Variants in RPRD1A observed in about 807,000 individuals in gnomAD.
The protein encoded by RPRD1A is regulation of nuclear pre-mRNA domain containing 1A, also known as regulation of nuclear pre-mRNA domain-containing protein 1A.
RPRD1A carries 9 observed loss-of-function variants against 37.8 expected under a neutral mutation model. The ratio of observed to expected loss-of-function variants is 0.24; its 90% CI spans 0.14 to 0.42. The LOEUF is 0.42. RPRD1A is among the 10% of genes least tolerant of loss of function. RPRD1A has a pLI of 1.00. For synonymous variants in RPRD1A, 138 were observed against 139.7 expected (o/e 0.99, Z 0.08); for missense variants, 255 against 371.0 (o/e 0.69, Z 2.57).
At chr18:36,064,589 A>C (rs114025587) in intron 1 of RPRD1A, among the ~76,000 whole-genome samples, 18 of 152,308 alleles carry the variant, frequency 1.2e-4, no homozygotes, top group Admixed American at 3.9e-4. Context: ...TAAATGCAAC[A>C]ATCAGTGCTG....
In RPRD1A at chr18:36,057,252, A is replaced by G. The variant is rs563515261; in HGVS notation, c.151+10002T>C. Among the ~76,000 whole-genome samples the G allele has an allele frequency of 9.9e-5, 15 of 150,800 alleles. No individual in the cohort carries two copies. In the South Asian group the frequency reaches 2.9e-3, roughly 30 times the overall value. Reference sequence around the variant, plus strand: ...GAACAACAACAACAAACATATATATATATCACACACACACACACATACACA... The same window carrying G: ...GAACAACAACAACAAACATATATATGTATCACACACACACACACATACACA... On this transcript the variant is annotated intron_variant, in intron 1 of 6. Transcript: ENST00000399022.
In RPRD1A at chr18:36,061,742, A is replaced by C. The variant is rs979926559; in HGVS notation, c.151+5512T>G. On this transcript the variant is annotated intron_variant, in intron 1 of 6. Coordinates refer to ENST00000399022, the MANE Select transcript of RPRD1A (RefSeq NM_018170.5). The stretch of plus-strand genomic sequence containing the variant: ...ATGGAAGAAAATATTTGTGGTATGA[A>C]TCTAATACAATACTTGTACCTAGAA... Among the ~76,000 whole-genome samples the C allele has an allele frequency of 3.0e-4, 46 of 152,248 alleles. 1 individual carries two copies. The highest frequency in any genetic ancestry group is 1.1e-3 in the African/African-American group (45 of 41,462).
At chr18:36,048,817 T>A (rs934978853) in intron 1 of RPRD1A, among the ~76,000 whole-genome samples, 1 of 152,170 alleles carries the variant, frequency 6.6e-6, no homozygotes, top group East Asian at 1.9e-4. Flanking sequence ...ATAGAAAAAA[T>A]TATAAATGAA....
intron 4 of RPRD1A, chr18:36,027,939 C>A (rs939606541): frequency 3.9e-5 from 6 of 151,942 alleles, no homozygotes; most frequent in Non-Finnish European, 1.5e-5. Flanking sequence ...TATTGCTTAA[C>A]CAGTACTGAA....
Position 35,993,094 on chromosome 18 carries a change from C to A in RPRD1A, c.*57G>T. 6.6e-7 allele frequency: 1 copy of A among 1,508,994 alleles called. No homozygotes were observed. The highest frequency in any genetic ancestry group is 2.3e-5 in the East Asian group (1 of 43,602). 93.5% of individuals were successfully genotyped at this position (1,508,994 alleles called of 1,614,324 possible). A position where few individuals can be genotyped will look rare whatever the true frequency, so the allele number is the denominator to read the frequency against. ...ACAAAAATAACACTACAGGACTATC[C>A]ACCTAACCTGTCTCCATCTCTTGCA... On this transcript the variant is annotated 3_prime_UTR_variant, in exon 7 of 7. Transcript: ENST00000399022.
Position 36,030,988 on chromosome 18 carries a change from T to G in RPRD1A, c.388+3A>C, listed in dbSNP as rs749980264. The G allele has an allele frequency of 1.3e-6, 2 of 1,595,070 alleles. No homozygotes were observed. Among genetic ancestry groups the G allele is most frequent in the East Asian group, 2.2e-5 (1 of 44,700 alleles). The stretch of plus-strand genomic sequence containing the variant: ...AGGTAAGAGATCAGGATTCTACACT[T>G]ACACAGAGCTTGTTTAAGTTGTTCT... On this transcript the variant is annotated splice_donor_region_variant and intron_variant, in intron 3 of 6. Transcript: ENST00000399022.
chr18:36,030,525 A>C (rs1341195797), intron 4 of RPRD1A, among the ~76,000 whole-genome samples: 1 of 152,046 alleles, frequency 6.6e-6, no homozygotes, highest in Non-Finnish European at 1.5e-5. Flanking sequence ...GTTTTGTTTT[A>C]TTTTAAAAAG....
At chr18:36,065,594 TAGAA>T (rs912655772) in intron 1 of RPRD1A, among the ~76,000 whole-genome samples, 1 of 152,210 alleles carries the variant, frequency 6.6e-6, no homozygotes, top group African/African-American at 2.4e-5. Flanking sequence ...AATATATTCC[TAGAA>T]AGAAAACTGC....
intron 6 of RPRD1A, among the ~76,000 whole-genome samples, chr18:36,021,565 C>T (rs1910996508): frequency 6.6e-6 from 1 of 152,190 alleles, no homozygotes; most frequent in Admixed American, 6.5e-5. Context: ...TCATAGGTCT[C>T]TCACTTTAAA....
chr18:36,052,632 CCT>C (rs959619812), intron 1 of RPRD1A, among the ~76,000 whole-genome samples: 36 of 152,064 alleles, frequency 2.4e-4, no homozygotes, highest in African/African-American at 8.4e-4. Context: ...GGAATCTTGC[CCT>C]GTCACCCAGG....
At chr18:36,028,046 A>T (rs1911503093) in intron 4 of RPRD1A, 1 of 152,230 alleles carries the variant, frequency 6.6e-6, no homozygotes, top group East Asian at 1.9e-4. Context: ...CACAACTCAT[A>T]ATGTCTATAA....
intron 1 of RPRD1A, among the ~76,000 whole-genome samples, chr18:36,062,708 T>C (rs2088941037): frequency 6.6e-6 from 1 of 152,186 alleles, no homozygotes; most frequent in African/African-American, 2.4e-5. Context: ...ACATACTATA[T>C]AATTCTATTC....
At chr18:36,058,121 G>A (rs745360365) in intron 1 of RPRD1A, among the ~76,000 whole-genome samples, 2 of 152,134 alleles carry the variant, frequency 1.3e-5, no homozygotes, top group Non-Finnish European at 2.9e-5. Context: ...ATGGCTCATT[G>A]CAACCTCTGC....
At chr18:36,028,406 G>A (rs571661248) in intron 4 of RPRD1A, among the ~76,000 whole-genome samples, 1 of 152,192 alleles carries the variant, frequency 6.6e-6, no homozygotes, top group South Asian at 2.1e-4. Flanking sequence ...TACAATTAAG[G>A]TGTGCTTAAG....
intron 1 of RPRD1A, among the ~76,000 whole-genome samples, chr18:36,037,706 C>T (rs567815817): frequency 6.6e-6 from 1 of 152,282 alleles, no homozygotes; most frequent in Admixed American, 6.5e-5. Flanking sequence ...TCCCTAGAGA[C>T]TTGTTGAATG....
intron 4 of RPRD1A, chr18:36,027,996 C>G (rs1056718042): frequency 1.6e-4 from 25 of 151,848 alleles, no homozygotes; most frequent in African/African-American, 5.8e-4. Flanking sequence ...TTCATACAAG[C>G]TATAATTAGG....
chr18:35,993,307 C>T lies in RPRD1A; in HGVS notation c.790-7G>A. The T allele has an allele frequency of 6.2e-7, 1 of 1,613,726 alleles. No individual in the cohort carries two copies. Among genetic ancestry groups the T allele is most frequent in the Non-Finnish European group, 8.5e-7 (1 of 1,179,884 alleles). On this transcript the variant is annotated splice_region_variant and splice_polypyrimidine_tract_variant and intron_variant, in intron 6 of 6. Transcript: ENST00000399022. ...CTAGCTTGCGCTTGTACTCCTGTAACATCAAACCACTTTCATTAGCATTCA... is the reference window on the plus strand; with the variant it reads ...CTAGCTTGCGCTTGTACTCCTGTAATATCAAACCACTTTCATTAGCATTCA...
At chr18:36,016,967 A>G (rs1039922238) in intron 6 of RPRD1A, among the ~76,000 whole-genome samples, 1 of 152,064 alleles carries the variant, frequency 6.6e-6, no homozygotes, top group African/African-American at 2.4e-5. Flanking sequence ...GCATGTGCTT[A>G]TCAATGGTTT....
At chr18:36,019,977 T>C (rs1032036150) in intron 6 of RPRD1A, among the ~76,000 whole-genome samples, 20 of 151,964 alleles carry the variant, frequency 1.3e-4, no homozygotes, top group Admixed American at 1.2e-3. Context: ...GAGGCAGAGG[T>C]TGCAGCGAGC....
Sources: allele counts gnomAD v4.1 joint callset (sites outside exome capture counted in the v4.1 genomes callset), GRCh38; gene constraint gnomAD v4.1.1; transcripts MANE v1.5; gene names NCBI Gene and HGNC (gene_info 2026-07-23, HGNC 2026-07-21).